The following PCDH15 variants were observed in gnomAD, a reference collection of about 807,000 sequenced individuals.
PCDH15 encodes protocadherin-15.
PCDH15 carries 129 observed loss-of-function variants against 178.5 expected under a neutral mutation model. That is an observed-to-expected ratio of 0.72 (90% CI 0.63 to 0.84). The LOEUF is 0.84. PCDH15 is among the 40% of genes least tolerant of loss of function. The pLI is 0.00. For missense variants in PCDH15, 2,230 were observed against 2,099.9 expected (o/e 1.06, Z -1.21); for synonymous variants, 800 against 732.0 (o/e 1.09, Z -1.50).
At chr10:54,785,572 C>G (rs1305761861) in intron 1 of PCDH15, among the ~76,000 whole-genome samples, 2 of 151,984 alleles carry the variant, frequency 1.3e-5, no homozygotes, top group African/African-American at 4.8e-5. Context: ...TTCTAGCATT[C>G]TTCCACCTTT....
chr10:54,847,592 A>T (rs1237876291), intron 3 of PCDH15, among the ~76,000 whole-genome samples: 1 of 152,116 alleles, frequency 6.6e-6, no homozygotes, highest in East Asian at 1.9e-4. Context: ...GTGTTGTAAC[A>T]CTGTACACCA....
At chr10:54,523,564 C>T (rs551113550) in intron 3 of PCDH15, among the ~76,000 whole-genome samples, 1 of 152,180 alleles carries the variant, frequency 6.6e-6, no homozygotes, top group East Asian at 1.9e-4. Context: ...GACATACTTA[C>T]ATTTAGTTGA....
intron 15 of PCDH15, among the ~76,000 whole-genome samples, chr10:54,120,964 C>T (rs2095208147): frequency 6.6e-6 from 1 of 152,020 alleles, no homozygotes; most frequent in African/African-American, 2.4e-5. Context: ...ACAGAATACT[C>T]CACCCATGCA....
chr10:55,416,105 A>G (rs926228428), intron 2 of PCDH15, among the ~76,000 whole-genome samples: 2 of 151,790 alleles, frequency 1.3e-5, no homozygotes, highest in African/African-American at 4.8e-5. Flanking sequence ...ACTCCCAAAG[A>G]AAGACATATA....
At chr10:55,298,355 C>T (rs1202249215) in intron 1 of PCDH15, among the ~76,000 whole-genome samples, 1 of 152,134 alleles carries the variant, frequency 6.6e-6, no homozygotes, top group Non-Finnish European at 1.5e-5. Flanking sequence ...TCCTCAGCTG[C>T]AGGAATATTC....
intron 2 of PCDH15, among the ~76,000 whole-genome samples, chr10:55,159,908 A>T (rs571356352): frequency 6.6e-6 from 1 of 151,472 alleles, no homozygotes; most frequent in South Asian, 2.1e-4. Flanking sequence ...TAAGGTGAAA[A>T]ATAAATATAT....
In PCDH15 at chr10:53,909,860, A is replaced by G. The variant is rs551177940; in HGVS notation, c.3374-6490T>C. 5.1e-3 allele frequency among the ~76,000 whole-genome samples: 781 copies of G among 152,284 alleles called. 10 individuals carry two copies. The highest frequency in any genetic ancestry group is 0.018 in the African/African-American group (733 of 41,564). ...TGGCACACAAGGAGACTATACCCAC[A>G]CCTGGCTCAGTGAGTCCCATGCCCA... On this transcript the variant is annotated intron_variant, in intron 25 of 37. Coordinates refer to ENST00000644397, the MANE Select transcript of PCDH15 (RefSeq NM_001384140.1).
intron 3 of PCDH15, among the ~76,000 whole-genome samples, chr10:54,433,267 C>G (rs1957165241): frequency 6.6e-6 from 1 of 152,092 alleles, no homozygotes; most frequent in Admixed American, 6.5e-5. Context: ...TATCTGCACT[C>G]CCTTGTTTGG....
In PCDH15 at chr10:53,828,581, G is replaced by A; in HGVS notation, c.4203-8C>T. 6.5e-7 allele frequency: 1 copy of A among 1,547,986 alleles called. No individual in the cohort carries two copies. The highest frequency in any genetic ancestry group is 8.9e-7 in the Non-Finnish European group (1 of 1,120,860). On this transcript the variant is annotated splice_region_variant and splice_polypyrimidine_tract_variant and intron_variant, in intron 30 of 37. Transcript: ENST00000644397. ...TATACTTACACTTTAAACCTGTTTGGGAAAGCAAGAGTAAGAAAAATAGAA... is the reference window on the plus strand; with the variant it reads ...TATACTTACACTTTAAACCTGTTTGAGAAAGCAAGAGTAAGAAAAATAGAA...
At chr10:53,851,087 A>G (rs1257696136) in intron 28 of PCDH15, among the ~76,000 whole-genome samples, 4 of 152,108 alleles carry the variant, frequency 2.6e-5, no homozygotes, top group Non-Finnish European at 5.9e-5. Flanking sequence ...GGTTTTCATA[A>G]CTGCAGTTCT....
intron 6 of PCDH15, among the ~76,000 whole-genome samples, chr10:54,342,877 G>A (rs1942513858): frequency 2.6e-5 from 4 of 152,184 alleles, no homozygotes. Flanking sequence ...TTGTGGACTT[G>A]CATGGGGCCT....
intron 7 of PCDH15, among the ~76,000 whole-genome samples, chr10:54,321,239 T>C (rs1003668113): frequency 6.7e-6 from 1 of 149,870 alleles, no homozygotes; most frequent in African/African-American, 2.4e-5. Flanking sequence ...ACATTGCCTA[T>C]ACTGACTTCA....
At chr10:54,434,796 A>C (rs907595728) in intron 3 of PCDH15, among the ~76,000 whole-genome samples, 7 of 152,194 alleles carry the variant, frequency 4.6e-5, no homozygotes, top group African/African-American at 1.7e-4. Flanking sequence ...ATCCCTTAAC[A>C]CAAAAATTAT....
chr10:54,607,590 G>C (rs934134193), intron 2 of PCDH15, among the ~76,000 whole-genome samples: 4 of 151,978 alleles, frequency 2.6e-5, no homozygotes, highest in African/African-American at 9.7e-5. Flanking sequence ...CTTGTTTCAG[G>C]TTAAGAGTAG....
chr10:54,622,268 T>G (rs1241962790), intron 2 of PCDH15, among the ~76,000 whole-genome samples: 1 of 151,394 alleles, frequency 6.6e-6, no homozygotes, highest in Non-Finnish European at 1.5e-5. Context: ...GTGTGTGTGT[T>G]TATCTATTGT....
At chr10:55,055,089 C>A (rs1382965463) in intron 2 of PCDH15, among the ~76,000 whole-genome samples, 1 of 152,090 alleles carries the variant, frequency 6.6e-6, no homozygotes, top group African/African-American at 2.4e-5. Context: ...AGTCTTTGCC[C>A]ATTCCTATGT....
intron 13 of PCDH15, among the ~76,000 whole-genome samples, chr10:54,171,000 T>C (rs1359708889): frequency 6.6e-6 from 1 of 152,094 alleles, no homozygotes; most frequent in East Asian, 1.9e-4. Flanking sequence ...CAACATGCCC[T>C]GAGTCAGATA....
chr10:55,008,938 T>C (rs553281707), intron 2 of PCDH15, among the ~76,000 whole-genome samples: 1 of 152,010 alleles, frequency 6.6e-6, no homozygotes, highest in African/African-American at 2.4e-5. Flanking sequence ...TTCATATTAG[T>C]ATAAAAGATG....
chr10:54,000,129 G>A (rs1488667909), intron 20 of PCDH15, among the ~76,000 whole-genome samples: 1 of 152,144 alleles, frequency 6.6e-6, no homozygotes, highest in Non-Finnish European at 1.5e-5. Flanking sequence ...CAGTGTTACT[G>A]GGCTTGTGGT....
Sources: gnomAD v4.1 joint callset for allele counts (sites outside exome capture counted in the v4.1 genomes callset) on GRCh38, gnomAD v4.1.1 for gene constraint, MANE v1.5 for transcripts, NCBI Gene and HGNC (gene_info 2026-07-23, HGNC 2026-07-21) for gene names.